GPC6: variants seen among roughly 807,000 people sequenced by gnomAD.
GPC6 encodes the protein glypican 6.
Under a neutral mutation model 55.2 loss-of-function variants are expected in GPC6, and 14 were observed. That is an observed-to-expected ratio of 0.25 (90% CI 0.17 to 0.40). The LOEUF is 0.40. Ranked by LOEUF, GPC6 falls within the 10% of genes least tolerant of loss-of-function variation. The pLI is 1.00. For missense variants in GPC6, 641 were observed against 708.5 expected (o/e 0.90, Z 1.08); for synonymous variants, 278 against 259.6 (o/e 1.07, Z -0.68).
At chr13:94,073,458 C>G (rs529040090) in intron 4 of GPC6, among the ~76,000 whole-genome samples, 2 of 152,218 alleles carry the variant, frequency 1.3e-5, no homozygotes, top group East Asian at 1.9e-4. Context: ...TTTTAAGGGG[C>G]TGTTGGATAT....
chr13:94,090,281 A>G (rs1242290080), intron 4 of GPC6, among the ~76,000 whole-genome samples: 1 of 152,088 alleles, frequency 6.6e-6, no homozygotes, highest in Non-Finnish European at 1.5e-5. Flanking sequence ...GGCCCCTGTG[A>G]TTTAATTACC....
At chr13:94,119,887 C>T (rs985332157) in intron 4 of GPC6, among the ~76,000 whole-genome samples, 6 of 151,978 alleles carry the variant, frequency 3.9e-5, no homozygotes, top group African/African-American at 1.4e-4. Flanking sequence ...CTAAGCAGGA[C>T]GTTGCTGAAT....
chr13:93,314,726 T>C (rs1288256979), intron 1 of GPC6, among the ~76,000 whole-genome samples: 2 of 112,728 alleles, frequency 1.8e-5, no homozygotes. Context: ...TGTGTGTGTG[T>C]GTGTGTGTGT....
intron 4 of GPC6, among the ~76,000 whole-genome samples, chr13:94,121,345 T>C (rs1886622438): frequency 6.6e-6 from 1 of 152,152 alleles, no homozygotes; most frequent in South Asian, 2.1e-4. Flanking sequence ...CTACCTTTAT[T>C]GTTTTCTCTC....
intron 2 of GPC6, among the ~76,000 whole-genome samples, chr13:93,632,543 G>T (rs1356157055): frequency 8.1e-5 from 6 of 73,832 alleles, no homozygotes; most frequent in Non-Finnish European, 1.3e-4. Context: ...TGGGTATGTT[G>T]AGACCACTGC....
intron 3 of GPC6, among the ~76,000 whole-genome samples, chr13:93,921,053 A>T (rs1241018523): frequency 6.6e-6 from 1 of 152,182 alleles, no homozygotes; most frequent in Non-Finnish European, 1.5e-5. Flanking sequence ...ACTTCTGCTC[A>T]TCAGTTGTCT....
chr13:94,357,439 C>G (rs1241603435), intron 6 of GPC6, among the ~76,000 whole-genome samples: 2 of 152,206 alleles, frequency 1.3e-5, no homozygotes, highest in African/African-American at 4.8e-5. Flanking sequence ...TCTGGACCAT[C>G]TGATGCTCCG....
chr13:93,782,286 C>T (rs907849216), intron 2 of GPC6, among the ~76,000 whole-genome samples: 2 of 152,110 alleles, frequency 1.3e-5, no homozygotes, highest in South Asian at 2.1e-4. Context: ...AGGCTGAATA[C>T]CATTTCATTT....
chr13:93,858,146 C>A (rs912938610), intron 3 of GPC6, among the ~76,000 whole-genome samples: 2 of 151,454 alleles, frequency 1.3e-5, no homozygotes, highest in African/African-American at 2.4e-5. Context: ...TGATTAGTTG[C>A]TATTGATATT....
chr13:93,728,909 T>A (rs1380159164), intron 2 of GPC6, among the ~76,000 whole-genome samples: 18 of 152,114 alleles, frequency 1.2e-4, no homozygotes, highest in Admixed American at 1.2e-3. Flanking sequence ...GGCATGGACT[T>A]TGCTTTTCTA....
At chr13:93,661,774 G>C (rs1332110745) in intron 2 of GPC6, among the ~76,000 whole-genome samples, 1 of 152,108 alleles carries the variant, frequency 6.6e-6, no homozygotes, top group Non-Finnish European at 1.5e-5. Flanking sequence ...TATGAGGCAG[G>C]GGTTGCCAAT....
chr13:94,050,630 G>A (rs1345611051), intron 4 of GPC6, among the ~76,000 whole-genome samples: 1 of 152,082 alleles, frequency 6.6e-6, no homozygotes, highest in Non-Finnish European at 1.5e-5. Flanking sequence ...TCAGACTTCT[G>A]GGTGACCTCC....
intron 4 of GPC6, among the ~76,000 whole-genome samples, chr13:94,106,340 A>C (rs1177162252): frequency 6.6e-6 from 1 of 152,238 alleles, no homozygotes; most frequent in Non-Finnish European, 1.5e-5. Flanking sequence ...ATTAGTGGTG[A>C]CTTTTTTGAA....
intron 1 of GPC6, among the ~76,000 whole-genome samples, chr13:93,540,888 A>C (rs1882267259): frequency 6.6e-6 from 1 of 152,126 alleles, no homozygotes; most frequent in Non-Finnish European, 1.5e-5. Flanking sequence ...TCTGCTTTCA[A>C]CTTCCAAGAG....
intron 3 of GPC6, among the ~76,000 whole-genome samples, chr13:94,000,413 TGA>T (rs1372917508): frequency 6.6e-6 from 1 of 152,224 alleles, no homozygotes; most frequent in Non-Finnish European, 1.5e-5. Flanking sequence ...TAAGACACCT[TGA>T]GACTAGCATC....
intron 1 of GPC6, among the ~76,000 whole-genome samples, chr13:93,452,899 G>C (rs141801577): frequency 6.6e-6 from 1 of 152,050 alleles, no homozygotes; most frequent in Non-Finnish European, 1.5e-5. Context: ...CAAAACTCTT[G>C]CCATTTATGT....
intron 3 of GPC6, among the ~76,000 whole-genome samples, chr13:93,957,572 T>G (rs967373622): frequency 6.6e-6 from 1 of 152,222 alleles, no homozygotes; most frequent in African/African-American, 2.4e-5. Flanking sequence ...TTTTCATGAC[T>G]TCATAGTATT....
chr13:94,144,184 G>A (rs1198280520), intron 4 of GPC6, among the ~76,000 whole-genome samples: 2 of 152,062 alleles, frequency 1.3e-5, no homozygotes, highest in Non-Finnish European at 2.9e-5. Context: ...TCACCCAGCA[G>A]CAAGCAAGTA....
At chr13:94,139,855 G>T (rs942122495) in intron 4 of GPC6, among the ~76,000 whole-genome samples, 1 of 151,970 alleles carries the variant, frequency 6.6e-6, no homozygotes, top group Non-Finnish European at 1.5e-5. Context: ...AGCTTCCTGG[G>T]GCTACAGTTT....
Sources: allele counts gnomAD v4.1 joint callset (sites outside exome capture counted in the v4.1 genomes callset), GRCh38; gene constraint gnomAD v4.1.1; transcripts MANE v1.5; gene names NCBI Gene and HGNC (gene_info 2026-07-23, HGNC 2026-07-21).